Variants in PTPRD observed in about 807,000 individuals in gnomAD.
The protein encoded by PTPRD is receptor-type tyrosine-protein phosphatase delta.
PTPRD carries 34 observed loss-of-function variants against 214.5 expected under a neutral mutation model. The observed-to-expected ratio is 0.16, with a 90% CI of 0.12 to 0.21. The LOEUF is 0.21. Ranked by LOEUF, PTPRD falls within the 10% of genes least tolerant of loss-of-function variation. The pLI is 1.00. For missense variants in PTPRD, 2,545 were observed against 2,398.7 expected, an observed-to-expected ratio of 1.06 and a Z score of -1.27; for synonymous variants, 1,128 against 845.7, an observed-to-expected ratio of 1.33 and a Z score of -5.79.
intron 5 of PTPRD, among the ~76,000 whole-genome samples, chr9:9,849,370 A>T (rs1215215619): frequency 6.6e-6 from 1 of 152,116 alleles, no homozygotes; most frequent in African/African-American, 2.4e-5. Flanking sequence ...AATTGAGAAG[A>T]TTCTGATTAT....
chr9:9,859,842 T>C (rs943634051), intron 5 of PTPRD, among the ~76,000 whole-genome samples: 1 of 152,208 alleles, frequency 6.6e-6, no homozygotes, highest in Non-Finnish European at 1.5e-5. Flanking sequence ...TGGCTCTGTT[T>C]CTTCTTGTGC....
At chr9:8,604,484 C>G (rs1371348139) in intron 14 of PTPRD, among the ~76,000 whole-genome samples, 5 of 152,098 alleles carry the variant, frequency 3.3e-5, no homozygotes, top group African/African-American at 1.2e-4. Flanking sequence ...TACATTACAT[C>G]AGATAAGGGT....
intron 11 of PTPRD, among the ~76,000 whole-genome samples, chr9:8,940,195 T>C (rs1468311017): frequency 6.6e-6 from 1 of 151,470 alleles, no homozygotes; most frequent in Non-Finnish European, 1.5e-5. Context: ...GTTCAATCCC[T>C]GATACCGTGT....
At chr9:9,159,722 G>C (rs191985416) in intron 10 of PTPRD, among the ~76,000 whole-genome samples, 2 of 152,084 alleles carry the variant, frequency 1.3e-5, no homozygotes, top group African/African-American at 4.8e-5. Context: ...CCTTAAATTC[G>C]TATGGAACTA....
chr9:9,121,485 T>G (rs1395171484), intron 10 of PTPRD, among the ~76,000 whole-genome samples: 1 of 152,160 alleles, frequency 6.6e-6, no homozygotes, highest in Non-Finnish European at 1.5e-5. Flanking sequence ...AGAATACTAC[T>G]CAGCCATACA....
At chr9:10,369,145 T>C (rs1456154785) in intron 2 of PTPRD, among the ~76,000 whole-genome samples, 1 of 152,124 alleles carries the variant, frequency 6.6e-6, no homozygotes, top group African/African-American at 2.4e-5. Context: ...CTCCATTTAC[T>C]AGCTAATAAA....
intron 3 of PTPRD, among the ~76,000 whole-genome samples, chr9:10,126,472 T>C (rs2098820856): frequency 6.6e-6 from 1 of 151,516 alleles, no homozygotes; most frequent in Non-Finnish European, 1.5e-5. Flanking sequence ...CATTGATATA[T>C]ATATATATAA....
At chr9:9,769,113 G>GA (rs1322918529) in intron 5 of PTPRD, among the ~76,000 whole-genome samples, 2 of 149,198 alleles carry the variant, frequency 1.3e-5, no homozygotes, top group East Asian at 2.1e-4. Flanking sequence ...AAGACAAAAA[G>GA]AAAAAATGAA....
intron 11 of PTPRD, among the ~76,000 whole-genome samples, chr9:8,873,981 A>G (rs932274468): frequency 6.6e-6 from 1 of 152,222 alleles, no homozygotes; most frequent in Non-Finnish European, 1.5e-5. Flanking sequence ...CATACTGGAC[A>G]GAACACTTGT....
At chr9:8,549,232 T>C (rs1204787542) in intron 14 of PTPRD, among the ~76,000 whole-genome samples, 1 of 151,956 alleles carries the variant, frequency 6.6e-6, no homozygotes, top group Non-Finnish European at 1.5e-5. Flanking sequence ...ATTCCACCAG[T>C]TTTAGGGAGT....
At chr9:8,350,259 G>C (rs2075081962) in intron 39 of PTPRD, among the ~76,000 whole-genome samples, 1 of 152,122 alleles carries the variant, frequency 6.6e-6, no homozygotes, top group South Asian at 2.1e-4. Flanking sequence ...ATGTGGTGGA[G>C]TTTTAATGCT....
At chr9:9,275,173 TA>T (rs543158491) in intron 9 of PTPRD, among the ~76,000 whole-genome samples, 6,956 of 44,564 alleles carry the variant, frequency 0.16, 510 homozygotes, top group East Asian at 0.24. Flanking sequence ...AACATATATA[TA>T]ATATATATGT....
At chr9:10,412,865 A>G (rs984179876) in intron 2 of PTPRD, among the ~76,000 whole-genome samples, 2 of 151,974 alleles carry the variant, frequency 1.3e-5, no homozygotes, top group Non-Finnish European at 2.9e-5. Context: ...CAAAAGCCAC[A>G]TGATTATCTC....
intron 2 of PTPRD, among the ~76,000 whole-genome samples, chr9:10,575,387 G>C (rs1215665763): frequency 6.6e-6 from 1 of 151,974 alleles, no homozygotes; most frequent in Admixed American, 6.6e-5. Context: ...AAAATGATGT[G>C]TTCTACCTAG....
intron 4 of PTPRD, among the ~76,000 whole-genome samples, chr9:9,974,915 A>G (rs2095295242): frequency 1.3e-5 from 2 of 152,182 alleles, no homozygotes; most frequent in Admixed American, 1.3e-4. Context: ...CATAAGCCTT[A>G]TTTCTGAGAT....
intron 4 of PTPRD, among the ~76,000 whole-genome samples, chr9:9,956,335 T>A (rs1263248755): frequency 6.6e-6 from 1 of 150,670 alleles, no homozygotes; most frequent in African/African-American, 2.4e-5. Flanking sequence ...ACAAAAGTAG[T>A]GTAGTGATTT....
intron 4 of PTPRD, among the ~76,000 whole-genome samples, chr9:9,965,321 A>C (rs1225129416): frequency 6.6e-6 from 1 of 152,184 alleles, no homozygotes; most frequent in East Asian, 1.9e-4. Context: ...AAGAAGAAAC[A>C]ATATGTGAGT....
chr9:10,285,898 G>A (rs189151219), intron 3 of PTPRD, among the ~76,000 whole-genome samples: 1 of 152,072 alleles, frequency 6.6e-6, no homozygotes. Context: ...GTGAGCTACT[G>A]TGCCCGGCCG....
intron 3 of PTPRD, among the ~76,000 whole-genome samples, chr9:10,224,653 G>A (rs571720177): frequency 6.6e-6 from 1 of 151,878 alleles, no homozygotes; most frequent in African/African-American, 2.4e-5. Context: ...AAAATAATGT[G>A]CCATTGACCC....
Sources: allele counts gnomAD v4.1 joint callset (sites outside exome capture counted in the v4.1 genomes callset), GRCh38; gene constraint gnomAD v4.1.1; transcripts MANE v1.5; gene names NCBI Gene and HGNC (gene_info 2026-07-23, HGNC 2026-07-21).